Variants in SLC35A3 observed in about 807,000 individuals in gnomAD.
SLC35A3 encodes the protein UDP-N-acetylglucosamine transporter.
A neutral mutation model predicts 39.0 loss-of-function variants in SLC35A3; 26 were observed. The observed-to-expected ratio is 0.67, with a 90% confidence interval of 0.49 to 0.92. The LOEUF is 0.92. SLC35A3 is among the 40% of genes least tolerant of loss of function. SLC35A3 has a pLI of 0.00. For missense variants in SLC35A3, 299 were observed against 371.6 expected (o/e 0.80, Z 1.61); for synonymous variants, 135 against 133.1 (o/e 1.01, Z -0.10).
chr1:99,988,592 C>T (rs917648424), intron 1 of SLC35A3, among the ~76,000 whole-genome samples: 6 of 151,332 alleles, frequency 4.0e-5, no homozygotes, highest in African/African-American at 9.7e-5. Flanking sequence ...TTGTTTTCTT[C>T]CTTCTCTTCC....
Position 100,034,580 on chromosome 1 carries a change from A to G in SLC35A3, c.*12104A>G, listed in dbSNP as rs1661401827. On this transcript the variant is annotated 3_prime_UTR_variant, in exon 8 of 8. Coordinates refer to ENST00000533028, the MANE Select transcript of SLC35A3 (RefSeq NM_012243.3). ...TGGTGGCTTTTCTATTCATGATTAA[A>G]TGTGTAGGATCTTCTTCAATCAGCA... 6.6e-6 allele frequency: 1 copy of G among 152,172 alleles called. No individual in the cohort carries two copies. The highest frequency in any genetic ancestry group is 2.4e-5 in the African/African-American group (1 of 41,444). 9.4% of individuals were successfully genotyped at this position (152,172 alleles called of 1,614,324 possible).
At position 100,026,651 on chromosome 1, in the gene SLC35A3, A is replaced by G. The variant is rs564071155; in HGVS notation, c.*4175A>G. The G allele has an allele frequency of 1.3e-5, 2 of 152,192 alleles. No individual in the cohort carries two copies. 9.4% of individuals were successfully genotyped at this position (152,192 alleles called of 1,614,324 possible). ...TGTGATACTATTGCTCCATCATTGAACTTTTTGAAACTTTAACAATTGTAT... is the reference window on the plus strand; with the variant it reads ...TGTGATACTATTGCTCCATCATTGAGCTTTTTGAAACTTTAACAATTGTAT... On this transcript the variant is annotated 3_prime_UTR_variant, in exon 8 of 8. Coordinates refer to ENST00000533028, the MANE Select transcript of SLC35A3 (RefSeq NM_012243.3).
intron 1 of SLC35A3, among the ~76,000 whole-genome samples, chr1:99,987,517 C>T (rs770537380): frequency 2.0e-5 from 3 of 151,946 alleles, no homozygotes; most frequent in African/African-American, 4.8e-5. Context: ...CTGCATTGTT[C>T]GTGTTTGGAG....
rs2101535844 is a variant in SLC35A3 at position 100,027,510 on chromosome 1, TAGA to T, written c.*5036_*5038del. 2 of 247,438 alleles carry T rather than the reference TAGA, an allele frequency of 8.1e-6. No homozygotes were observed. Among genetic ancestry groups the T allele is most frequent in the South Asian group, 3.5e-4 (2 of 5,644 alleles). The allele number at this position is 247,438 out of a possible 1,614,324, so 15.3% of individuals were successfully genotyped here. The stretch of plus-strand genomic sequence containing the variant: ...AAAGACTGGGTTTATTTAAGCTAGT[TAGA>T]ATTTATCTTTCTATATGTTAATAAC... On this transcript the variant is annotated 3_prime_UTR_variant, in exon 8 of 8. Transcript: ENST00000533028.
At chr1:100,020,193 C>T (rs1660439029) in intron 7 of SLC35A3, among the ~76,000 whole-genome samples, 2 of 152,060 alleles carry the variant, frequency 1.3e-5, no homozygotes. Flanking sequence ...ATAGTTTTAT[C>T]CTAATTTTTT....
intron 4 of SLC35A3, chr1:100,008,245 C>T (rs976072511): frequency 5.3e-5 from 8 of 152,146 alleles, no homozygotes; most frequent in African/African-American, 1.9e-4. Context: ...GCCACTGTAC[C>T]CAGCCTAATA....
rs964367998 is a variant in SLC35A3, at chr1:100,024,814, A to G, written c.*2338A>G. The G allele has an allele frequency of 1.3e-5, 5 of 393,286 alleles. No individual in the cohort carries two copies. Among genetic ancestry groups the G allele is most frequent in the Non-Finnish European group, 2.2e-5 (5 of 223,410 alleles). 24.4% of individuals were successfully genotyped at this position (393,286 alleles called of 1,614,324 possible). Reference sequence around the variant, plus strand: ...GTATATATTTTTAAAGACTGTTCTAATAGATATAAAAACTGTAAAAAATAA... The same window carrying G: ...GTATATATTTTTAAAGACTGTTCTAGTAGATATAAAAACTGTAAAAAATAA... On this transcript the variant is annotated 3_prime_UTR_variant, in exon 8 of 8. Coordinates refer to ENST00000533028, the MANE Select transcript of SLC35A3 (RefSeq NM_012243.3).
chr1:99,976,759 G>A (rs568421096), intron 1 of SLC35A3, among the ~76,000 whole-genome samples: 23 of 152,252 alleles, frequency 1.5e-4, no homozygotes, highest in African/African-American at 5.1e-4. Flanking sequence ...TAAACATTGA[G>A]TACATATGAA....
At chr1:100,011,267 G>C (rs1659614218) in intron 4 of SLC35A3, 98 bp from the exon 5 acceptor site, 1 of 492,576 alleles carries the variant, frequency 2.0e-6, no homozygotes, top group Non-Finnish European at 3.5e-6. Flanking sequence ...AATGATATTG[G>C]TTGCATTTTT....
chr1:99,992,465 T>G (rs557298177), intron 1 of SLC35A3, among the ~76,000 whole-genome samples: 1 of 152,288 alleles, frequency 6.6e-6, no homozygotes, highest in Non-Finnish European at 1.5e-5. Flanking sequence ...ATATTTAAAG[T>G]AAGTCTCCTG....
At chr1:99,992,624 G>C (rs1283777508) in intron 1 of SLC35A3, among the ~76,000 whole-genome samples, 2 of 152,100 alleles carry the variant, frequency 1.3e-5, no homozygotes, top group Non-Finnish European at 2.9e-5. Flanking sequence ...ATTGCTTGTT[G>C]CTGCATTTTT....
At chr1:99,990,258 G>A (rs1336869007) in intron 1 of SLC35A3, among the ~76,000 whole-genome samples, 1 of 151,400 alleles carries the variant, frequency 6.6e-6, no homozygotes, top group East Asian at 1.9e-4. Flanking sequence ...AGAAAGTTAG[G>A]GGTAGAGGGT....
chr1:100,000,113 AT>A (rs1222763695), intron 3 of SLC35A3, among the ~76,000 whole-genome samples: 1 of 151,998 alleles, frequency 6.6e-6, no homozygotes, highest in Non-Finnish European at 1.5e-5. Flanking sequence ...GGATTGCTGG[AT>A]TGTCTGGTAG....
chr1:99,994,785 C>T lies in SLC35A3; in HGVS notation c.187+1044C>T, dbSNP rs750186405. On this transcript the variant is annotated intron_variant, in intron 2 of 7. Transcript: ENST00000533028. The stretch of plus-strand genomic sequence containing the variant: ...TTCAGTAGATGTACAAGTATCTGTT[C>T]GAGTCCCTGTTTTCATTCCTTTTGG... Among the ~76,000 whole-genome samples the T allele has an allele frequency of 3.3e-5, 5 of 152,060 alleles. 1 individual carries two copies. Among genetic ancestry groups the T allele is most frequent in the East Asian group, 3.9e-4 (2 of 5,188 alleles).
chr1:100,004,704 TA>T (rs1010915517), intron 3 of SLC35A3, among the ~76,000 whole-genome samples: 9 of 151,850 alleles, frequency 5.9e-5, no homozygotes, highest in Non-Finnish European at 1.2e-4. Flanking sequence ...TTTTTTAATT[TA>T]AAAAAAATTA....
At chr1:100,014,321 A>G (rs1659899637) in intron 5 of SLC35A3, among the ~76,000 whole-genome samples, 1 of 152,160 alleles carries the variant, frequency 6.6e-6, no homozygotes, top group Non-Finnish European at 1.5e-5. Flanking sequence ...TCTGGGCTCA[A>G]GTGATTGTCC....
intron 5 of SLC35A3, among the ~76,000 whole-genome samples, chr1:100,011,957 A>T (rs1016801323): frequency 1.3e-5 from 2 of 151,808 alleles, no homozygotes; most frequent in African/African-American, 2.4e-5. Flanking sequence ...TGACCTTGTG[A>T]TCTGCCTGCC....
In SLC35A3 at chr1:99,990,372, G is replaced by A. The variant is rs766085771; in HGVS notation, c.-18-3165G>A. ...GGGTGGATCATGAGGTCAGGAGATC[G>A]AGACCATCCTGGCCAACATGGTGAA... On this transcript the variant is annotated intron_variant, in intron 1 of 7. Coordinates refer to ENST00000533028, the MANE Select transcript of SLC35A3 (RefSeq NM_012243.3). Among the ~76,000 whole-genome samples, 9 of 152,014 alleles carry A rather than the reference G, an allele frequency of 5.9e-5. No individual in the cohort carries two copies. In the South Asian group the frequency reaches 8.3e-4, roughly 14 times the overall value.
At chr1:99,970,746 T>G in intron 1 of SLC35A3, 2 of 743,026 alleles carry the variant, frequency 2.7e-6, no homozygotes, top group South Asian at 3.7e-5. Context: ...GATCTTTTAT[T>G]ATGTTCTCTT....
Sources: gnomAD v4.1 joint callset for allele counts (sites outside exome capture counted in the v4.1 genomes callset) on GRCh38, gnomAD v4.1.1 for gene constraint, MANE v1.5 for transcripts, NCBI Gene and HGNC (gene_info 2026-07-23, HGNC 2026-07-21) for gene names.